The following EML6 variants were observed in gnomAD, a reference collection of about 807,000 sequenced individuals.
The protein encoded by EML6 is echinoderm microtubule-associated protein-like 6.
Under a neutral mutation model 240.1 loss-of-function variants are expected in EML6, and 154 were observed. That is an observed-to-expected ratio of 0.64 (90% confidence interval 0.56 to 0.73). The LOEUF is 0.73. Among genes scored for constraint, EML6 ranks in the 30% least tolerant of loss-of-function variants. The probability of loss-of-function intolerance (pLI) is 0.00; values close to 1 mark genes in which losing one functional copy is unlikely to be tolerated. For missense variants in EML6, 2,964 were observed against 2,474.6 expected, an observed-to-expected ratio of 1.20 and a Z score of -4.20; for synonymous variants, 1,148 against 899.0, an observed-to-expected ratio of 1.28 and a Z score of -4.95.
intron 2 of EML6, among the ~76,000 whole-genome samples, chr2:54,726,714 C>T (rs1682924780): frequency 6.6e-6 from 1 of 152,096 alleles, no homozygotes; most frequent in Admixed American, 6.6e-5. Flanking sequence ...AATTGCTAGG[C>T]TGATTATGAA....
In EML6 at chr2:54,957,912, G is replaced by T. The variant is rs1490201397; in HGVS notation, c.4609G>T (p.Gly1537Cys). 6.4e-7 allele frequency: 1 copy of T among 1,551,688 alleles called. No individual in the cohort carries two copies. Among genetic ancestry groups the T allele is most frequent in the East Asian group, 2.4e-5 (1 of 40,924 alleles). Residue 1537 changes from glycine (G) to cysteine (C), a missense_variant, in exon 33 of 42, where the codon GGC (glycine) becomes TGC (cysteine). Gly to Cys is a radical substitution (Grantham distance 159). Coordinates refer to ENST00000356458, the MANE Select transcript of EML6 (RefSeq NM_001039753.4). ...ACATATGAAGTTCTGGACCCTGGCA[G>T]GCAGCGCCTTGCTTTACAAGAAAGG... is the stretch of plus-strand genomic sequence containing the variant. ...VKHMKFWTLA[G>C]SALLYKKGVI... is the part of the protein sequence containing the mutation.
intron 28 of EML6, among the ~76,000 whole-genome samples, chr2:54,934,483 C>G (rs969203519): frequency 6.6e-6 from 1 of 152,056 alleles, no homozygotes; most frequent in African/African-American, 2.4e-5. Flanking sequence ...CCGTTTTTGT[C>G]ATTTAGTCCT....
intron 7 of EML6, among the ~76,000 whole-genome samples, chr2:54,837,834 C>CT (rs1669234826): frequency 6.6e-6 from 1 of 152,198 alleles, no homozygotes; most frequent in African/African-American, 2.4e-5. Flanking sequence ...GCATCTGTGT[C>CT]TTTTAAATGC....
At chr2:54,896,039 A>C (rs1325671755) in intron 21 of EML6, among the ~76,000 whole-genome samples, 1 of 152,252 alleles carries the variant, frequency 6.6e-6, no homozygotes, top group East Asian at 1.9e-4. Context: ...TGATTATGCA[A>C]GAGTGTGAAA....
At chr2:54,873,109 T>C (rs13388498) in intron 16 of EML6, among the ~76,000 whole-genome samples, 28,722 of 152,212 alleles carry the variant, frequency 0.19, 3,107 homozygotes, top group African/African-American at 0.28. Flanking sequence ...TTGTCTTGCC[T>C]TTCCCTATTA....
rs182103908 is a variant in EML6, at chr2:54,837,467, C to T, written c.848-6580C>T. On this transcript the variant is annotated intron_variant, in intron 7 of 41. Coordinates refer to ENST00000356458, the MANE Select transcript of EML6 (RefSeq NM_001039753.4). ...CCTCCTAAGCACTCACGGGCACTCA[C>T]GGGCACACGGCTTGGTTAAGTTGGT... Among the ~76,000 whole-genome samples, 17 of 152,326 alleles carry T rather than the reference C, an allele frequency of 1.1e-4. No individual in the cohort carries two copies. The East Asian group carries it at 2.3e-3, about 21-fold the overall frequency.
Position 54,971,165 on chromosome 2 carries a change from TAAA to T in EML6, c.*1075_*1077del, listed in dbSNP as rs1200163281. The T allele has an allele frequency of 6.6e-6, 1 of 152,172 alleles. No homozygotes were observed. The highest frequency in any genetic ancestry group is 1.5e-5 in the Non-Finnish European group (1 of 68,022). 9.4% of individuals were successfully genotyped at this position (152,172 alleles called of 1,614,324 possible). ...AACTATATAGGTCAAGTCCAGATTA[TAAA>T]AAAATTATCTGCAGAACAAATTGTA... On this transcript the variant is annotated 3_prime_UTR_variant, in exon 42 of 42. Transcript: ENST00000356458.
intron 26 of EML6, among the ~76,000 whole-genome samples, chr2:54,923,510 T>G (rs1324805780): frequency 6.6e-6 from 1 of 152,112 alleles, no homozygotes; most frequent in Non-Finnish European, 1.5e-5. Flanking sequence ...ATATATAAAA[T>G]TTTTGTTAAT....
At chr2:54,883,646 C>T (rs908225486) in intron 17 of EML6, among the ~76,000 whole-genome samples, 2 of 152,178 alleles carry the variant, frequency 1.3e-5, no homozygotes, top group African/African-American at 2.4e-5. Flanking sequence ...GACAGCAGCA[C>T]AGTGTGTAAG....
At chr2:54,856,981 G>A (rs1188480085) in intron 11 of EML6, among the ~76,000 whole-genome samples, 2 of 152,216 alleles carry the variant, frequency 1.3e-5, no homozygotes, top group East Asian at 3.8e-4. Context: ...AGGCAGAGCT[G>A]AGGGTCTTAC....
At chr2:54,811,453 G>A (rs1029501789) in intron 2 of EML6, among the ~76,000 whole-genome samples, 1 of 152,126 alleles carries the variant, frequency 6.6e-6, no homozygotes, top group South Asian at 2.1e-4. Context: ...TGGGCAGCTG[G>A]TCACTCCATC....
At chr2:54,845,632 G>A (rs1475322499) in intron 8 of EML6, among the ~76,000 whole-genome samples, 1 of 152,202 alleles carries the variant, frequency 6.6e-6, no homozygotes, top group East Asian at 1.9e-4. Context: ...TTCTTTACTA[G>A]TAAAGCAAGG....
intron 25 of EML6, among the ~76,000 whole-genome samples, chr2:54,916,373 A>G (rs1673908892): frequency 6.6e-6 from 1 of 152,238 alleles, no homozygotes; most frequent in African/African-American, 2.4e-5. Context: ...ACATCCTGAC[A>G]CGCACAGGAC....
intron 25 of EML6, among the ~76,000 whole-genome samples, chr2:54,911,840 C>T (rs563469520): frequency 3.9e-5 from 6 of 152,172 alleles, no homozygotes; most frequent in African/African-American, 1.4e-4. Flanking sequence ...GCTACATACA[C>T]GATTTTTTAG....
chr2:54,879,590 C>G lies in EML6; in HGVS notation c.2388C>G (p.His796Gln). ...TGTCGGTTGGTTTAGACGATTTTCA[C>G]AGTATTGTATTTTGGGACTGGAAAA... Reference protein sequence around the residue: ...CLVSVGLDDFHSIVFWDWKKG... With the variant: ...CLVSVGLDDFQSIVFWDWKKG... The change falls in exon 17 of 42, where the codon CAC (histidine) becomes CAG (glutamine). Residue 796 changes from histidine to glutamine, a missense_variant. By Grantham distance (24) the His-to-Gln change is conservative. Transcript: ENST00000356458. The G allele has an allele frequency of 6.4e-7, 1 of 1,551,934 alleles. No individual in the cohort carries two copies. The highest frequency in any genetic ancestry group is 8.7e-7 in the Non-Finnish European group (1 of 1,146,922).
Position 54,879,551 on chromosome 2 carries a change from T to C in EML6, c.2349T>C (p.Asp783=). Residue 783 remains aspartate (D), a synonymous_variant, in exon 17 of 42, where the codon GAT becomes GAC. Coordinates refer to ENST00000356458, the MANE Select transcript of EML6 (RefSeq NM_001039753.4). ...RGVCALDFSA[D]GKCLVSVGLD... ...ATTTGTGTTGTTTTCATACAGCCGA[T>C]GGAAAATGTCTGGTGTCGGTTGGTT... 2 of 1,550,272 alleles carry C rather than the reference T, an allele frequency of 1.3e-6. No individual in the cohort carries two copies. Among genetic ancestry groups the C allele is most frequent in the Non-Finnish European group, 1.7e-6 (2 of 1,145,556 alleles).
chr2:54,891,036 C>G lies in EML6; in HGVS notation c.2439-18C>G. The G allele has an allele frequency of 1.6e-6, 2 of 1,227,598 alleles. No individual in the cohort carries two copies. Among genetic ancestry groups the G allele is most frequent in the Middle Eastern group, 1.9e-4 (1 of 5,144 alleles). 76.0% of individuals were successfully genotyped at this position (1,227,598 alleles called of 1,614,324 possible). On this transcript the variant is annotated intron_variant, in intron 17 of 41. Coordinates refer to ENST00000356458, the MANE Select transcript of EML6 (RefSeq NM_001039753.4). ...TTCCATCCAAACTAGAATCTTATTT[C>G]CTATTTGTCTCTTACAGAGGACATA...
intron 2 of EML6, among the ~76,000 whole-genome samples, chr2:54,810,020 G>C (rs1305141389): frequency 2.6e-5 from 4 of 152,170 alleles, no homozygotes; most frequent in Non-Finnish European, 5.9e-5. Context: ...CATGGACATA[G>C]ATAAATGGTA....
At chr2:54,754,110 G>C (rs1219381233) in intron 2 of EML6, among the ~76,000 whole-genome samples, 2 of 151,604 alleles carry the variant, frequency 1.3e-5, no homozygotes, top group Non-Finnish European at 2.9e-5. Context: ...ATTCCAGTCT[G>C]GGAGACAGAG....
Sources: gnomAD v4.1 joint callset for allele counts (sites outside exome capture counted in the v4.1 genomes callset) on GRCh38, gnomAD v4.1.1 for gene constraint, MANE v1.5 for transcripts, NCBI Gene and HGNC (gene_info 2026-07-23, HGNC 2026-07-21) for gene names.